The following HECTD4 variants were observed in gnomAD, a reference collection of about 807,000 sequenced individuals.
The protein encoded by HECTD4 is HECT domain E3 ubiquitin protein ligase 4.
In HECTD4, 114 loss-of-function variants were observed where a neutral mutation model predicts 471.5. The observed-to-expected ratio is 0.24, with a 90% CI of 0.21 to 0.28. HECTD4 has a LOEUF of 0.28. HECTD4 is among the 10% of genes least tolerant of loss of function. HECTD4 has a pLI of 1.00. For missense variants in HECTD4, 3,866 were observed against 5,651.5 expected (o/e 0.68, Z 10.13); for synonymous variants, 2,012 against 2,256.0 (o/e 0.89, Z 3.07).
intron 7 of HECTD4, among the ~76,000 whole-genome samples, chr12:112,293,975 C>T (rs1451568541): frequency 1.3e-5 from 2 of 152,194 alleles, no homozygotes; most frequent in African/African-American, 4.8e-5. Flanking sequence ...TCATAGCTCA[C>T]TACAGCCTTG....
chr12:112,279,161 T>C (rs1283021864), intron 9 of HECTD4, 67 bp downstream of exon 9: 4 of 1,390,658 alleles, frequency 2.9e-6, no homozygotes, highest in South Asian at 1.3e-5. Context: ...AAATAATTAA[T>C]AGGAAAGCTT....
intron 8 of HECTD4, 36 bp downstream of exon 8, chr12:112,283,074 C>T (rs1307215130): frequency 6.4e-7 from 1 of 1,566,036 alleles, no homozygotes; most frequent in African/African-American, 1.4e-5. Flanking sequence ...CAGAGCTATA[C>T]AAGGAAACAG....
chr12:112,208,609 C>T lies in HECTD4; in HGVS notation c.7889G>A (p.Cys2630Tyr). 1.3e-6 allele frequency: 2 copies of T among 1,598,030 alleles called. No homozygotes were observed. Among genetic ancestry groups the T allele is most frequent in the Non-Finnish European group, 1.7e-6 (2 of 1,174,184 alleles). Reference sequence around the variant, plus strand: ...ATAGCTGAGCTCGACTTTATAATGACAGGAGGTGTCACTATCATATTCTGT... The same window carrying T: ...ATAGCTGAGCTCGACTTTATAATGATAGGAGGTGTCACTATCATATTCTGT... The part of the protein sequence containing the change: ...AQQQYDSDTS[C>Y]HYKVELSYEN... The change falls in exon 51 of 76, where the codon TGT becomes TAT. Residue 2630 changes from cysteine to tyrosine, a missense_variant. Cys to Tyr is a radical substitution (Grantham distance 194). This residue lies in a region of HECTD4 where 266 missense variants were observed against 441.6 expected (regional missense o/e 0.60). Coordinates refer to ENST00000682272, the MANE Select transcript of HECTD4 (RefSeq NM_001388303.1).
At chr12:112,199,023 T>G (rs771209315) in intron 55 of HECTD4, among the ~76,000 whole-genome samples, 1 of 152,190 alleles carries the variant, frequency 6.6e-6, no homozygotes, top group Non-Finnish European at 1.5e-5. Context: ...AAGCCATGCC[T>G]GTGGAGTATT....
At chr12:112,372,102 ATCT>A (rs2036687727) in intron 1 of HECTD4, among the ~76,000 whole-genome samples, 1 of 141,834 alleles carries the variant, frequency 7.1e-6, no homozygotes, top group African/African-American at 2.8e-5. Context: ...ACATAATCAC[ATCT>A]TTTTTTTTTT....
chr12:112,263,008 T>A (rs2034183857), intron 17 of HECTD4, among the ~76,000 whole-genome samples: 1 of 152,206 alleles, frequency 6.6e-6, no homozygotes, highest in South Asian at 2.1e-4. Context: ...GTCACACTAA[T>A]GACATTCATG....
chr12:112,256,104 T>C (rs577896278), intron 21 of HECTD4, among the ~76,000 whole-genome samples: 5 of 152,310 alleles, frequency 3.3e-5, no homozygotes, highest in African/African-American at 1.2e-4. Context: ...CAACATATCA[T>C]TAAAACATTG....
At chr12:112,164,766 C>T (rs185247666) in intron 72 of HECTD4, among the ~76,000 whole-genome samples, 95 of 151,266 alleles carry the variant, frequency 6.3e-4, no homozygotes, top group Middle Eastern at 3.4e-3. Context: ...GGATTACAGG[C>T]GCCCACCACC....
chr12:112,362,167 T>C (rs987320080), intron 1 of HECTD4, among the ~76,000 whole-genome samples: 3 of 152,248 alleles, frequency 2.0e-5, no homozygotes, highest in Non-Finnish European at 4.4e-5. Flanking sequence ...CTGTACTCAA[T>C]GGGACTGTGC....
chr12:112,237,116 GAA>G lies in HECTD4; in HGVS notation c.5291-20_5291-19del. On this transcript the variant is annotated intron_variant, in intron 34 of 75. Transcript: ENST00000682272. Reference sequence around the variant, plus strand: ...GGAGCCACCTTCACAGTTAAAGAAAGAAAAAAAGAGATTGGTGAAAACTTAAG... The same window carrying G: ...GGAGCCACCTTCACAGTTAAAGAAAGAAAAAGAGATTGGTGAAAACTTAAG... 6.5e-7 allele frequency: 1 copy of G among 1,528,060 alleles called. No individual in the cohort carries two copies. The highest frequency in any genetic ancestry group is 8.8e-7 in the Non-Finnish European group (1 of 1,136,368). The allele number at this position is 1,528,060 out of a possible 1,614,324, so 94.7% of individuals were successfully genotyped here.
At chr12:112,314,831 C>T (rs1054649229) in intron 2 of HECTD4, among the ~76,000 whole-genome samples, 1 of 152,156 alleles carries the variant, frequency 6.6e-6, no homozygotes, top group Non-Finnish European at 1.5e-5. Flanking sequence ...AAACATAAGG[C>T]TCGAGCACAA....
At chr12:112,311,256 CT>C (rs1485930131) in intron 4 of HECTD4, among the ~76,000 whole-genome samples, 1 of 149,932 alleles carries the variant, frequency 6.7e-6, no homozygotes, top group African/African-American at 2.5e-5. Flanking sequence ...GAGCGAAGCT[CT>C]GTCTCAAAAA....
At chr12:112,265,131 A>T in intron 16 of HECTD4, 44 bp downstream of exon 16, 1 of 1,531,598 alleles carries the variant, frequency 6.5e-7, no homozygotes, top group South Asian at 1.2e-5. Context: ...GAAAACAGGG[A>T]TGCTTGATAT....
At position 112,283,125 on chromosome 12, in the gene HECTD4, T is replaced by C; in HGVS notation, c.1513A>G (p.Lys505Glu). ...LTGSTISNTL[K>E]EDQAANTSCG... ...AGTAACATACCTGCTTGATCCTCTT[T>C]CAGTGTGTTGGAGATGGTGGAACCA... The change falls in exon 8 of 76, where the codon AAA (lysine) becomes GAA (glutamate). Residue 505 changes from lysine (K) to glutamate (E), a missense_variant. This residue lies in a region of HECTD4 where 440 missense variants were observed against 636.0 expected (regional missense o/e 0.69). Coordinates refer to ENST00000682272, the MANE Select transcript of HECTD4 (RefSeq NM_001388303.1). 6.2e-7 allele frequency: 1 copy of C among 1,612,978 alleles called. No individual in the cohort carries two copies. The highest frequency in any genetic ancestry group is 8.5e-7 in the Non-Finnish European group (1 of 1,179,438).
intron 7 of HECTD4, among the ~76,000 whole-genome samples, chr12:112,294,469 G>A (rs914142691): frequency 3.3e-5 from 5 of 152,128 alleles, no homozygotes; most frequent in Non-Finnish European, 7.3e-5. Flanking sequence ...TTAGAAACAG[G>A]TACTTTTTAA....
chr12:112,166,248 G>T lies in HECTD4; in HGVS notation c.12534+1069C>A, dbSNP rs1274722172. The T allele has an allele frequency of 6.6e-6, 1 of 152,282 alleles. No homozygotes were observed. The highest frequency in any genetic ancestry group is 1.5e-5 in the Non-Finnish European group (1 of 68,094). The allele number at this position is 152,282 out of a possible 1,614,324, so 9.4% of individuals were successfully genotyped here. On this transcript the variant is annotated intron_variant, in intron 72 of 75. Transcript: ENST00000682272. This position sits in a 1 kb window ranked among gnomAD's most constrained non-coding sequence, Gnocchi z 4.6. ...ATGCCTTGTCATCCCTGTTTCTACCGAGAAGCCACTGGCATCCGGGACTCT... is the reference window on the plus strand; with the variant it reads ...ATGCCTTGTCATCCCTGTTTCTACCTAGAAGCCACTGGCATCCGGGACTCT...
intron 1 of HECTD4, among the ~76,000 whole-genome samples, chr12:112,349,682 T>G (rs1375159622): frequency 6.6e-6 from 1 of 151,796 alleles, no homozygotes; most frequent in Non-Finnish European, 1.5e-5. Context: ...GCAGTACAAA[T>G]ATGGTGGTCA....
At chr12:112,217,253 T>C (rs764984759) in intron 45 of HECTD4, 58 bp from the exon 46 acceptor site, 9 of 1,403,984 alleles carry the variant, frequency 6.4e-6, no homozygotes, top group Non-Finnish European at 8.4e-6. Flanking sequence ...CCCTTTACTC[T>C]CTCAAAGAAG....
At chr12:112,379,712 A>AG (rs2036853682) in intron 1 of HECTD4, among the ~76,000 whole-genome samples, 1 of 142,794 alleles carries the variant, frequency 7.0e-6, no homozygotes, top group African/African-American at 2.6e-5. Context: ...AAATAAAAAG[A>AG]TTTTTTATAT....
Sources: allele counts gnomAD v4.1 joint callset (sites outside exome capture counted in the v4.1 genomes callset), GRCh38; gene constraint gnomAD v4.1.1; regional missense constraint gnomAD v4.1.1; non-coding constraint Gnocchi (gnomAD v3.1); transcripts MANE v1.5; gene names NCBI Gene and HGNC (gene_info 2026-07-23, HGNC 2026-07-21).